The following GPR158 variants were observed in gnomAD, a reference collection of about 807,000 sequenced individuals.
The protein encoded by GPR158 is G protein-coupled receptor 158.
A neutral mutation model predicts 78.2 loss-of-function variants in GPR158; 30 were observed. The observed-to-expected ratio is 0.38, with a 90% CI of 0.29 to 0.52. The LOEUF (loss-of-function observed/expected upper bound fraction) is 0.52, where lower values mean the gene tolerates loss of function less well. GPR158 is among the 20% of genes least tolerant of loss of function. The pLI, the probability that GPR158 is intolerant of heterozygous loss-of-function variation, is 0.83. For missense variants in GPR158, 1,463 were observed against 1,523.5 expected, an observed-to-expected ratio of 0.96 and a Z score of 0.66; for synonymous variants, 581 against 591.1, an observed-to-expected ratio of 0.98 and a Z score of 0.25.
At chr10:25,527,982 T>C (rs1836372514) in intron 5 of GPR158, among the ~76,000 whole-genome samples, 1 of 151,970 alleles carries the variant, frequency 6.6e-6, no homozygotes, top group Non-Finnish European at 1.5e-5. Context: ...CTTACTAAAA[T>C]TGACAGAAGA....
chr10:25,588,775 A>G (rs997598686), intron 7 of GPR158, among the ~76,000 whole-genome samples: 4 of 152,236 alleles, frequency 2.6e-5, no homozygotes, highest in African/African-American at 9.6e-5. Flanking sequence ...CTATTACAAC[A>G]AAGTGTACCT....
chr10:25,365,341 T>G (rs1285594176), intron 2 of GPR158, among the ~76,000 whole-genome samples: 1 of 151,748 alleles, frequency 6.6e-6, no homozygotes, highest in Non-Finnish European at 1.5e-5. Flanking sequence ...TAGTTTTGAT[T>G]TAGCGTTTAG....
chr10:25,470,235 C>A (rs2130622138), intron 5 of GPR158, among the ~76,000 whole-genome samples: 1 of 152,012 alleles, frequency 6.6e-6, no homozygotes, highest in South Asian at 2.1e-4. Context: ...TGTGATCTGA[C>A]CATGTACTCC....
chr10:25,389,132 G>T (rs1296857743), intron 2 of GPR158, among the ~76,000 whole-genome samples: 1 of 152,236 alleles, frequency 6.6e-6, no homozygotes, highest in South Asian at 2.1e-4. Context: ...GGGAAGAAGA[G>T]GGGAGGGTCC....
rs1433034114 is a variant in GPR158 at position 25,176,679 on chromosome 10, C to T, written c.902+357C>T. On this transcript the variant is annotated intron_variant, in intron 1 of 10. Coordinates refer to ENST00000376351, the MANE Select transcript of GPR158 (RefSeq NM_020752.3). This position sits in a 1 kb window ranked among gnomAD's most constrained non-coding sequence, Gnocchi z 6.3. ...GGGCGTTCCCCACCGGGGGGCGATG[C>T]GACAACTTGGCGAGCGCCGGGTGTG... 6.6e-6 allele frequency among the ~76,000 whole-genome samples: 1 copy of T among 152,214 alleles called. No individual in the cohort carries two copies. The highest frequency in any genetic ancestry group is 1.5e-5 in the Non-Finnish European group (1 of 68,030).
intron 2 of GPR158, among the ~76,000 whole-genome samples, chr10:25,325,660 TA>T (rs1248292069): frequency 6.6e-6 from 1 of 152,234 alleles, no homozygotes; most frequent in East Asian, 1.9e-4. Flanking sequence ...ATGCTAGTTA[TA>T]TTTTTAATTT....
chr10:25,290,984 TAA>T (rs544149112), intron 2 of GPR158, among the ~76,000 whole-genome samples: 162 of 152,162 alleles, frequency 1.1e-3, no homozygotes, highest in African/African-American at 3.7e-3. Flanking sequence ...TAGACAAAAG[TAA>T]AAAATAATAC....
intron 5 of GPR158, among the ~76,000 whole-genome samples, chr10:25,506,357 G>A (rs1234196308): frequency 1.3e-5 from 2 of 152,152 alleles, no homozygotes; most frequent in East Asian, 1.9e-4. Context: ...TCCAGAAAGT[G>A]GACCCCAACT....
chr10:25,450,913 T>C (rs1835207266), intron 4 of GPR158, among the ~76,000 whole-genome samples: 1 of 152,226 alleles, frequency 6.6e-6, no homozygotes, highest in Admixed American at 6.5e-5. Context: ...TGCCTTCATC[T>C]AATAAAGATT....
intron 5 of GPR158, among the ~76,000 whole-genome samples, chr10:25,509,272 G>T (rs1836052595): frequency 6.6e-6 from 1 of 152,138 alleles, no homozygotes. Context: ...CACCTCTGGG[G>T]CAATATATAG....
chr10:25,514,254 A>C (rs750975155), intron 5 of GPR158, among the ~76,000 whole-genome samples: 5 of 152,068 alleles, frequency 3.3e-5, no homozygotes, highest in Non-Finnish European at 7.4e-5. Flanking sequence ...ATCATTATAT[A>C]ATGTCCCTCT....
At chr10:25,309,061 G>A (rs999664091) in intron 2 of GPR158, among the ~76,000 whole-genome samples, 2 of 152,108 alleles carry the variant, frequency 1.3e-5, no homozygotes, top group African/African-American at 4.8e-5. Context: ...TTTTTGGTGG[G>A]TGTATACTCA....
intron 3 of GPR158, among the ~76,000 whole-genome samples, chr10:25,406,938 G>GT (rs1200338185): frequency 6.6e-6 from 1 of 152,136 alleles, no homozygotes; most frequent in African/African-American, 2.4e-5. Context: ...ACAAAACAAT[G>GT]TAGGTAAGGA....
intron 2 of GPR158, among the ~76,000 whole-genome samples, chr10:25,328,203 G>A (rs1356265125): frequency 6.6e-6 from 1 of 152,144 alleles, no homozygotes. Flanking sequence ...GATATACATA[G>A]AAATACATAG....
chr10:25,329,260 CCCTGT>C (rs1588802348), intron 2 of GPR158, among the ~76,000 whole-genome samples: 1 of 151,894 alleles, frequency 6.6e-6, no homozygotes, highest in East Asian at 2.0e-4. Context: ...CACGGTGAAA[CCCTGT>C]CTCTACTAAA....
intron 5 of GPR158, among the ~76,000 whole-genome samples, chr10:25,521,802 G>C (rs1461522662): frequency 6.6e-6 from 1 of 152,162 alleles, no homozygotes; most frequent in Non-Finnish European, 1.5e-5. Context: ...CTTGCTGATG[G>C]TATGAAAGCA....
intron 7 of GPR158, among the ~76,000 whole-genome samples, chr10:25,588,003 G>T (rs999010782): frequency 2.0e-5 from 3 of 152,080 alleles, no homozygotes; most frequent in Admixed American, 1.3e-4. Flanking sequence ...TTCCAGAAAG[G>T]TCATGCCACT....
intron 5 of GPR158, among the ~76,000 whole-genome samples, chr10:25,470,015 C>A (rs930400700): frequency 1.3e-5 from 2 of 152,008 alleles, no homozygotes; most frequent in Admixed American, 1.3e-4. Flanking sequence ...CCAAAACTCC[C>A]CAAAGATTCC....
intron 5 of GPR158, among the ~76,000 whole-genome samples, chr10:25,478,335 C>T (rs1835616624): frequency 6.6e-6 from 1 of 152,004 alleles, no homozygotes; most frequent in Non-Finnish European, 1.5e-5. Context: ...ATATAATAAT[C>T]TCTCGTTATT....
Sources: allele counts gnomAD v4.1 joint callset (sites outside exome capture counted in the v4.1 genomes callset), GRCh38; gene constraint gnomAD v4.1.1; non-coding constraint Gnocchi (gnomAD v3.1); transcripts MANE v1.5; gene names NCBI Gene and HGNC (gene_info 2026-07-23, HGNC 2026-07-21).